MYH10: variants seen among roughly 807,000 people sequenced by gnomAD.
MYH10 encodes the protein myosin heavy chain 10, also known as myosin-10.
In MYH10, 55 loss-of-function variants were observed where a neutral mutation model predicts 257.8. The ratio of observed to expected loss-of-function variants is 0.21; its 90% CI spans 0.17 to 0.27. The LOEUF (loss-of-function observed/expected upper bound fraction) is 0.27. Among genes scored for constraint, MYH10 ranks in the 10% least tolerant of loss-of-function variants. The pLI, the probability that MYH10 is intolerant of heterozygous loss-of-function variation, is 1.00. For missense variants in MYH10, 1,631 were observed against 2,500.6 expected, an observed-to-expected ratio of 0.65 and a Z score of 7.42; for synonymous variants, 854 against 921.7, an observed-to-expected ratio of 0.93 and a Z score of 1.33.
At chr17:8,486,481 G>A (rs1914787374) in intron 36 of MYH10, among the ~76,000 whole-genome samples, 1 of 148,026 alleles carries the variant, frequency 6.8e-6, no homozygotes, top group South Asian at 2.1e-4. Context: ...TTCACCCTGG[G>A]TAGCAGACTG....
chr17:8,498,870 A>G (rs543863085), intron 30 of MYH10, among the ~76,000 whole-genome samples: 1 of 152,296 alleles, frequency 6.6e-6, no homozygotes, highest in African/African-American at 2.4e-5. Context: ...AAACAAAAAA[A>G]AAGGTTGCAC....
At chr17:8,604,694 C>T (rs1051005121) in intron 3 of MYH10, 132 bp downstream of exon 3, 13 of 631,222 alleles carry the variant, frequency 2.1e-5, no homozygotes, top group Non-Finnish European at 2.8e-5. Flanking sequence ...AATTTTTCTA[C>T]AATAAACATT....
intron 3 of MYH10, among the ~76,000 whole-genome samples, chr17:8,603,419 T>A (rs2084683338): frequency 6.6e-6 from 1 of 152,190 alleles, no homozygotes; most frequent in African/African-American, 2.4e-5. Flanking sequence ...GTTTCCCTTT[T>A]AAAAAATTAG....
intron 13 of MYH10, among the ~76,000 whole-genome samples, chr17:8,543,480 G>GC (rs2082355360): frequency 7.1e-6 from 1 of 140,972 alleles, no homozygotes; most frequent in African/African-American, 2.6e-5. Flanking sequence ...TACAAAGAAG[G>GC]TTTTTTTTTT....
Position 8,545,366 on chromosome 17 carries a change from A to C in MYH10, c.1431+82T>G. On this transcript the variant is annotated intron_variant, in intron 13 of 42. Transcript: ENST00000360416. This position sits in a 1 kb window ranked among gnomAD's most constrained non-coding sequence, Gnocchi z 4.7. ...ACTGTATCCCTGGTGCCTCGTATGTACTGGGCACACAGTAAGCCTTCATAT... is the reference window on the plus strand; with the variant it reads ...ACTGTATCCCTGGTGCCTCGTATGTCCTGGGCACACAGTAAGCCTTCATAT... 1.3e-6 allele frequency: 2 copies of C among 1,497,264 alleles called. No homozygotes were observed. Among genetic ancestry groups the C allele is most frequent in the Non-Finnish European group, 9.2e-7 (1 of 1,089,686 alleles). The allele number at this position is 1,497,264 out of a possible 1,614,324, so 92.7% of individuals were successfully genotyped here.
At chr17:8,549,778 C>A (rs547809039) in intron 9 of MYH10, among the ~76,000 whole-genome samples, 3 of 152,032 alleles carry the variant, frequency 2.0e-5, no homozygotes, top group African/African-American at 7.2e-5. Flanking sequence ...GCTGCCATCT[C>A]GGCTCGCTGC....
rs748521321 is a variant in MYH10 at position 8,577,225 on chromosome 17, C to A, written c.633+11G>T. ...GAAGAAGATTTAAAAAACAACAGAG[C>A]AGAAACTTACAGGAATATTATGGTC... is the stretch of plus-strand genomic sequence containing the variant. On this transcript the variant is annotated intron_variant, in intron 5 of 42. Coordinates refer to ENST00000360416, the MANE Select transcript of MYH10 (RefSeq NM_001256012.3). The A allele has an allele frequency of 4.4e-6, 7 of 1,582,216 alleles. No individual in the cohort carries two copies. The East Asian group carries it at 1.6e-4, about 35-fold the overall frequency.
chr17:8,480,241 C>T lies in MYH10; in HGVS notation c.5466G>A (p.Glu1822=), dbSNP rs1913468010. 2 of 1,614,162 alleles carry T rather than the reference C, an allele frequency of 1.2e-6. No individual in the cohort carries two copies. Among genetic ancestry groups the T allele is most frequent in the South Asian group, 1.1e-5 (1 of 91,092 alleles). The part of the protein sequence containing the change: ...QKSDNARQQL[E]RQNKELKAKL... ...TGGCCTTCAGCTCCTTGTTCTGCCG[C>T]TCCAGTTGCTGGCGTGCATTGTCAC... Residue 1822 remains glutamate, a synonymous_variant, in exon 40 of 43, where the codon GAG becomes GAA. Coordinates refer to ENST00000360416, the MANE Select transcript of MYH10 (RefSeq NM_001256012.3).
In MYH10 at chr17:8,500,908, T is replaced by A. The variant is rs777929253; in HGVS notation, c.3662A>T (p.His1221Leu). The part of the protein sequence containing the change: ...KKALEEETKN[H>L]EAQIQDMRQR... Reference sequence around the variant, plus strand: ...TCTCATGTCCTGGATTTGAGCTTCATGGTTCTTAGTTTCCTCCTCAAGAGC... The same window carrying A: ...TCTCATGTCCTGGATTTGAGCTTCAAGGTTCTTAGTTTCCTCCTCAAGAGC... The change falls in exon 29 of 43, where the codon CAT becomes CTT. Residue 1221 changes from histidine (H) to leucine (L), a missense_variant. Around this residue, in one of 11 missense-constraint regions of MYH10, gnomAD observed 463 missense variants for 621.8 expected, o/e 0.74. Coordinates refer to ENST00000360416, the MANE Select transcript of MYH10 (RefSeq NM_001256012.3). The A allele has an allele frequency of 6.2e-7, 1 of 1,614,218 alleles. No homozygotes were observed. The highest frequency in any genetic ancestry group is 8.5e-7 in the Non-Finnish European group (1 of 1,180,040).
Position 8,518,600 on chromosome 17 carries a change from G to A in MYH10, c.2504+31C>T, listed in dbSNP as rs759073913. On this transcript the variant is annotated intron_variant, in intron 21 of 42. Coordinates refer to ENST00000360416, the MANE Select transcript of MYH10 (RefSeq NM_001256012.3). ...CTTATCTAGCACAAGCACTTCCTCA[G>A]TGAACGATTAATTCGTGAATACCCA... 3.1e-6 allele frequency: 5 copies of A among 1,599,232 alleles called. No individual in the cohort carries two copies. In the Admixed American group the frequency reaches 8.5e-5, roughly 27 times the overall value.
chr17:8,548,645 C>G lies in MYH10; in HGVS notation c.1062G>C (p.Leu354=). ...GAATCTTAGAGAAATCACACATACACAGAATCTCTTCATGGGAGAAGCCCA... is the reference window on the plus strand; with the variant it reads ...GAATCTTAGAGAAATCACACATACAGAGAATCTCTTCATGGGAGAAGCCCA... ...HIMGFSHEEI[L]SMLKVVSSVL... The change falls in exon 10 of 43, where the codon CTG becomes CTC. Residue 354 remains leucine (L), a splice_region_variant and synonymous_variant. Transcript: ENST00000360416. The G allele has an allele frequency of 6.2e-7, 1 of 1,613,984 alleles. No homozygotes were observed. The highest frequency in any genetic ancestry group is 8.5e-7 in the Non-Finnish European group (1 of 1,179,972).
chr17:8,478,363 C>G lies in MYH10; in HGVS notation c.5681G>C (p.Arg1894Pro). ...EIFMQVEDER[R>P]HADQYKEQME... ...CTGCTCTTTATACTGGTCCGCGTGT[C>G]GACGCTCATCCTCAACCTGCATGAA... Residue 1894 changes from arginine (R) to proline (P), a missense_variant, in exon 41 of 43, where the codon CGA (arginine) becomes CCA (proline). Physicochemically the swap from Arg to Pro is moderately radical, Grantham distance 103. This residue lies in a region of MYH10 where 343 missense variants were observed against 389.5 expected (regional missense o/e 0.88). Coordinates refer to ENST00000360416, the MANE Select transcript of MYH10 (RefSeq NM_001256012.3). 6.2e-7 allele frequency: 1 copy of G among 1,614,084 alleles called. No homozygotes were observed. Among genetic ancestry groups the G allele is most frequent in the Non-Finnish European group, 8.5e-7 (1 of 1,179,986 alleles).
intron 3 of MYH10, among the ~76,000 whole-genome samples, chr17:8,602,913 TA>T (rs1313443696): frequency 6.6e-6 from 1 of 152,224 alleles, no homozygotes; most frequent in Non-Finnish European, 1.5e-5. Context: ...TAATTTTCAA[TA>T]AATGTTTATT....
intron 37 of MYH10, among the ~76,000 whole-genome samples, chr17:8,483,067 C>A (rs564216936): frequency 7.0e-4 from 106 of 152,268 alleles, no homozygotes; most frequent in African/African-American, 2.5e-3. Flanking sequence ...ACTTAAAAAA[C>A]AAGCAAATGC....
chr17:8,499,556 A>G, intron 29 of MYH10, 80 bp from the exon 30 acceptor site: 1 of 1,278,528 alleles, frequency 7.8e-7, no homozygotes, highest in South Asian at 1.3e-5. Flanking sequence ...GAGTCTGCAG[A>G]ATTGTGCCTA....
At chr17:8,516,403 T>G (rs932565743) in intron 21 of MYH10, among the ~76,000 whole-genome samples, 2 of 152,234 alleles carry the variant, frequency 1.3e-5, no homozygotes, top group African/African-American at 4.8e-5. Context: ...CTTTTTTTGA[T>G]GTATCCTGAT....
chr17:8,560,849 AG>A, intron 7 of MYH10: 1 of 567,112 alleles, frequency 1.8e-6, no homozygotes. Context: ...GGCAAGCACA[AG>A]GTCTTTGGCA....
chr17:8,626,332 G>A (rs1024673060), intron 1 of MYH10, among the ~76,000 whole-genome samples: 57 of 152,188 alleles, frequency 3.7e-4, no homozygotes, highest in African/African-American at 1.3e-3. Context: ...TTGGGAGGGC[G>A]AGGCAGGTAG....
chr17:8,612,560 C>T (rs1193609580), intron 2 of MYH10, among the ~76,000 whole-genome samples: 1 of 152,078 alleles, frequency 6.6e-6, no homozygotes, highest in Admixed American at 6.6e-5. Flanking sequence ...TAAATTTTAT[C>T]ATAGGTATGG....
Sources: allele counts gnomAD v4.1 joint callset (sites outside exome capture counted in the v4.1 genomes callset), GRCh38; gene constraint gnomAD v4.1.1; regional missense constraint gnomAD v4.1.1; non-coding constraint Gnocchi (gnomAD v3.1); transcripts MANE v1.5; gene names NCBI Gene and HGNC (gene_info 2026-07-23, HGNC 2026-07-21).